ATRX: variants seen among roughly 807,000 people sequenced by gnomAD.
The protein encoded by ATRX is ATRX chromatin remodeler, also known as chromatin remodeler ATRX.
ATRX carries 12 observed loss-of-function variants against 172.6 expected under a neutral mutation model. The ratio of observed to expected loss-of-function variants is 0.07; its 90% CI spans 0.04 to 0.11. The LOEUF (loss-of-function observed/expected upper bound fraction) is 0.11. ATRX is among the 10% of genes least tolerant of loss of function. ATRX has a pLI of 1.00. For synonymous variants in ATRX, 674 were observed against 594.7 expected (o/e 1.13, Z -1.94); for missense variants, 1,368 against 1,767.4 (o/e 0.77, Z 4.05).
intron 34 of ATRX, among the ~76,000 whole-genome samples, chrX:77,514,095 A>C (rs1557038009): frequency 8.9e-6 from 1 of 111,914 alleles, no homozygotes; most frequent in Non-Finnish European, 1.9e-5. Flanking sequence ...AAGACTGCTA[A>C]AAGAAATTAG....
intron 10 of ATRX, among the ~76,000 whole-genome samples, chrX:77,673,710 C>T (rs2070735747): frequency 1.8e-5 from 2 of 110,175 alleles, no homozygotes; most frequent in Admixed American, 1.9e-4. Context: ...TTTTAAATGC[C>T]CCCAAAAGCC....
chrX:77,672,779 A>C (rs2070691880), intron 10 of ATRX, among the ~76,000 whole-genome samples: 1 of 110,831 alleles, frequency 9.0e-6, no homozygotes, highest in South Asian at 3.8e-4. Context: ...TTCAACAATA[A>C]AGTAAATGTG....
At chrX:77,622,903 G>C (rs2067657917) in intron 19 of ATRX, among the ~76,000 whole-genome samples, 1 of 110,272 alleles carries the variant, frequency 9.1e-6, no homozygotes, top group Non-Finnish European at 1.9e-5. Context: ...GGATACAGCT[G>C]AGGCAGTGCT....
At chrX:77,700,903 G>A (rs2072469870) in intron 2 of ATRX, among the ~76,000 whole-genome samples, 1 of 112,526 alleles carries the variant, frequency 8.9e-6, no homozygotes, top group Non-Finnish European at 1.9e-5. Context: ...GAAGAAACAG[G>A]CACAGCACAG....
chrX:77,565,725 G>A (rs1233653707), intron 28 of ATRX, among the ~76,000 whole-genome samples: 1 of 110,721 alleles, frequency 9.0e-6, no homozygotes, highest in African/African-American at 3.3e-5. Flanking sequence ...GTGTGGTGGT[G>A]CATGCCTGCA....
chrX:77,619,102 A>C, intron 20 of ATRX, 121 bp from the exon 21 acceptor site: 1 of 494,855 alleles, frequency 2.0e-6, no homozygotes, highest in Non-Finnish European at 3.4e-6. Context: ...TAAAGAAAGA[A>C]TATCAAGCTA....
chrX:77,585,583 CAAAAAAAAAAAAAAAAAAAAAAAAAAA>C (rs781792876), intron 27 of ATRX, among the ~76,000 whole-genome samples: 89 of 8,559 alleles, frequency 0.01, 2 homozygotes, highest in Admixed American at 0.061. Flanking sequence ...CTCCCCCCAC[CAAAAAAAAAAAAAAAAAAAAAAAAAAA>C]AAAAAAAAAA....
At chrX:77,572,250 A>C (rs782544928) in intron 28 of ATRX, among the ~76,000 whole-genome samples, 1 of 111,283 alleles carries the variant, frequency 9.0e-6, no homozygotes, top group East Asian at 2.8e-4. Flanking sequence ...CCAAACTCCA[A>C]AACTTTTTGA....
chrX:77,779,232 G>A (rs782195209), intron 1 of ATRX, among the ~76,000 whole-genome samples: 10 of 106,451 alleles, frequency 9.4e-5, no homozygotes, highest in South Asian at 4.3e-4. Flanking sequence ...TGTGAGCCAC[G>A]GCGCCCGGCT....
intron 30 of ATRX, among the ~76,000 whole-genome samples, chrX:77,551,475 G>T (rs1186951873): frequency 4.5e-5 from 5 of 111,845 alleles, no homozygotes; most frequent in African/African-American, 1.6e-4. Context: ...ATTCAAGATG[G>T]ATTAAAGACT....
chrX:77,674,581 AAC>A (rs2070776624), intron 10 of ATRX: 1 of 111,460 alleles, frequency 9.0e-6, no homozygotes, highest in South Asian at 3.6e-4. Flanking sequence ...GACAAGCTCT[AAC>A]ACACACAAAA....
intron 28 of ATRX, among the ~76,000 whole-genome samples, chrX:77,572,902 G>A (rs781897625): frequency 1.3e-4 from 15 of 111,185 alleles, no homozygotes; most frequent in Non-Finnish European, 2.7e-4. Flanking sequence ...CTTAAGCCTA[G>A]GTCTAGTTCA....
chrX:77,603,437 C>T (rs1356866527), intron 22 of ATRX, among the ~76,000 whole-genome samples: 1 of 109,425 alleles, frequency 9.1e-6, no homozygotes, highest in Non-Finnish European at 1.9e-5. Context: ...GCAATCTCGG[C>T]TCACTGCAAT....
intron 1 of ATRX, among the ~76,000 whole-genome samples, chrX:77,722,595 C>T (rs781976312): frequency 5.4e-5 from 6 of 111,774 alleles, no homozygotes; most frequent in Admixed American, 9.5e-5. Flanking sequence ...AAAAAAAACT[C>T]ATCATCACTG....
chrX:77,679,880 A>T (rs926439945), intron 9 of ATRX, among the ~76,000 whole-genome samples: 3 of 112,116 alleles, frequency 2.7e-5, no homozygotes, highest in Non-Finnish European at 5.6e-5. Context: ...AAGGATTTTC[A>T]CAGCTAACCT....
At chrX:77,706,575 A>G in intron 2 of ATRX, among the ~76,000 whole-genome samples, 1 of 111,364 alleles carries the variant, frequency 9.0e-6, no homozygotes, top group East Asian at 2.8e-4. Context: ...ACAGATAAAT[A>G]AAAGTTCATC....
chrX:77,511,029 C>T (rs1379923156), intron 34 of ATRX, among the ~76,000 whole-genome samples: 2 of 112,599 alleles, frequency 1.8e-5, no homozygotes, highest in African/African-American at 3.2e-5. Context: ...GTGTGGTCCC[C>T]GTGAAGGGAG....
chrX:77,568,868 T>C (rs1364250803), intron 28 of ATRX, among the ~76,000 whole-genome samples: 1 of 111,586 alleles, frequency 9.0e-6, no homozygotes, highest in Non-Finnish European at 1.9e-5. Flanking sequence ...TGATACAAAC[T>C]GAGGCAGAAA....
intron 2 of ATRX, 110 bp from the exon 3 acceptor site, chrX:77,698,739 T>C: frequency 9.9e-6 from 6 of 605,626 alleles, no homozygotes; most frequent in Non-Finnish European, 1.4e-5. Context: ...AGTCTGGCAG[T>C]ATTGTTAACA....
Sources: allele counts gnomAD v4.1 joint callset (sites outside exome capture counted in the v4.1 genomes callset), GRCh38; gene constraint gnomAD v4.1.1; transcripts MANE v1.5; gene names NCBI Gene and HGNC (gene_info 2026-07-23, HGNC 2026-07-21).